The following LINGO2 variants were observed in gnomAD, a reference collection of about 807,000 sequenced individuals.
LINGO2 encodes leucine rich repeat and Ig domain containing 2.
A neutral mutation model predicts 30.6 loss-of-function variants in LINGO2; 14 were observed. The observed-to-expected ratio is 0.46, with a 90% CI of 0.30 to 0.72. The LOEUF (loss-of-function observed/expected upper bound fraction) is 0.72. Among genes scored for constraint, LINGO2 ranks in the 30% least tolerant of loss-of-function variants. The pLI is 0.07. For synonymous variants in LINGO2, 317 were observed against 288.5 expected (o/e 1.10, Z -1.00); for missense variants, 729 against 751.7 (o/e 0.97, Z 0.35).
At chr9:28,229,764 A>C (rs1821294567) in intron 4 of LINGO2, among the ~76,000 whole-genome samples, 1 of 151,852 alleles carries the variant, frequency 6.6e-6, no homozygotes, top group Non-Finnish European at 1.5e-5. Flanking sequence ...ACAGAGAAAT[A>C]AGGTCACAGG....
intron 1 of LINGO2, among the ~76,000 whole-genome samples, chr9:28,574,879 G>A (rs1042534372): frequency 6.6e-6 from 1 of 152,090 alleles, no homozygotes; most frequent in African/African-American, 2.4e-5. Flanking sequence ...TTTGTTCCAT[G>A]ATCTTTAAAC....
chr9:28,539,921 G>A (rs1199776979), intron 1 of LINGO2, among the ~76,000 whole-genome samples: 2 of 152,028 alleles, frequency 1.3e-5, no homozygotes. Flanking sequence ...AACAATATGA[G>A]ATCCCACAGG....
chr9:28,425,342 T>TAC (rs1823364553), intron 2 of LINGO2, among the ~76,000 whole-genome samples: 1 of 149,382 alleles, frequency 6.7e-6, no homozygotes, highest in African/African-American at 2.4e-5. Flanking sequence ...TATATATATA[T>TAC]ATAAACACAT....
intron 2 of LINGO2, among the ~76,000 whole-genome samples, chr9:28,448,026 A>G (rs1156309707): frequency 6.6e-6 from 1 of 152,128 alleles, no homozygotes; most frequent in Non-Finnish European, 1.5e-5. Flanking sequence ...ACTCAGTTTT[A>G]TCAATGAATT....
chr9:27,995,871 A>C (rs975950513), intron 5 of LINGO2, among the ~76,000 whole-genome samples: 10 of 152,300 alleles, frequency 6.6e-5, no homozygotes, highest in Middle Eastern at 6.8e-3. Flanking sequence ...AAAAGCAATT[A>C]TACAGCAGAA....
the LINGO2 span, among the ~76,000 whole-genome samples, chr9:29,049,262 G>C: frequency 6.6e-6 from 1 of 152,202 alleles, no homozygotes; most frequent in Non-Finnish European, 1.5e-5. Flanking sequence ...AAGCTACAAT[G>C]AGATATTATA....
At chr9:28,314,468 T>G (rs2134270558) in intron 3 of LINGO2, among the ~76,000 whole-genome samples, 1 of 152,298 alleles carries the variant, frequency 6.6e-6, no homozygotes, top group Non-Finnish European at 1.5e-5. Context: ...CTCCTGTTCC[T>G]TCTTCAAGAA....
the LINGO2 span, among the ~76,000 whole-genome samples, chr9:29,123,258 G>A: frequency 6.6e-6 from 1 of 151,798 alleles, no homozygotes; most frequent in African/African-American, 2.4e-5. Context: ...TATTCCCCGA[G>A]ACATCCCAGC....
At chr9:29,164,901 G>C in the LINGO2 span, among the ~76,000 whole-genome samples, 1 of 152,082 alleles carries the variant, frequency 6.6e-6, no homozygotes, top group Admixed American at 6.6e-5. Context: ...AATAGTTATA[G>C]TAGGGTATTT....
intron 3 of LINGO2, among the ~76,000 whole-genome samples, chr9:28,343,581 G>A (rs759108879): frequency 1.2e-4 from 18 of 152,132 alleles, no homozygotes; most frequent in Admixed American, 4.6e-4. Flanking sequence ...TTTAAACTCA[G>A]CTTTGAGACT....
chr9:28,105,404 G>C (rs1249008612), intron 4 of LINGO2, among the ~76,000 whole-genome samples: 1 of 152,166 alleles, frequency 6.6e-6, no homozygotes, highest in Non-Finnish European at 1.5e-5. Flanking sequence ...TGGTCTAATG[G>C]AGTTTGCATT....
At chr9:28,656,361 T>C (rs1013734037) in intron 1 of LINGO2, among the ~76,000 whole-genome samples, 1 of 152,028 alleles carries the variant, frequency 6.6e-6, no homozygotes, top group South Asian at 2.1e-4. Context: ...AGATAATAAG[T>C]ATACAATAGA....
intron 1 of LINGO2, among the ~76,000 whole-genome samples, chr9:28,587,149 G>T (rs1824591814): frequency 6.6e-6 from 1 of 151,886 alleles, no homozygotes; most frequent in Non-Finnish European, 1.5e-5. Context: ...ATTGTGAGGG[G>T]AAAAAACACT....
upstream of LINGO2, among the ~76,000 whole-genome samples, chr9:28,672,362 C>A (rs573731561): frequency 6.6e-6 from 1 of 151,980 alleles, no homozygotes; most frequent in South Asian, 2.1e-4. Flanking sequence ...TTTTTTGTGC[C>A]CTGTTTTATT....
At chr9:28,935,075 A>G in the LINGO2 span, among the ~76,000 whole-genome samples, 1 of 152,090 alleles carries the variant, frequency 6.6e-6, no homozygotes, top group East Asian at 1.9e-4. Flanking sequence ...TTTGTTTTTA[A>G]AAATTGTTTT....
chr9:28,900,866 A>G, the LINGO2 span, among the ~76,000 whole-genome samples: 199 of 152,308 alleles, frequency 1.3e-3, no homozygotes, highest in Non-Finnish European at 2.1e-3. Flanking sequence ...AAATTGAAAA[A>G]CAATTGGTTT....
chr9:28,544,317 C>T (rs1338711382), intron 1 of LINGO2, among the ~76,000 whole-genome samples: 5 of 152,088 alleles, frequency 3.3e-5, no homozygotes, highest in Non-Finnish European at 5.9e-5. Context: ...TAATCTGAGA[C>T]TTCATAAATT....
the LINGO2 span, among the ~76,000 whole-genome samples, chr9:28,848,391 G>GTA: frequency 1.9e-3 from 104 of 55,064 alleles, 1 homozygote; most frequent in East Asian, 0.015. Context: ...GTGTGTGTGT[G>GTA]TGTGTGTATA....
the LINGO2 span, among the ~76,000 whole-genome samples, chr9:29,170,684 G>C: frequency 2.0e-4 from 31 of 152,120 alleles, no homozygotes; most frequent in African/African-American, 7.2e-4. Flanking sequence ...ACCTATGTAA[G>C]AGAGAATTAC....
Sources: allele counts gnomAD v4.1 joint callset (sites outside exome capture counted in the v4.1 genomes callset), GRCh38; gene constraint gnomAD v4.1.1; transcripts MANE v1.5; gene names NCBI Gene and HGNC (gene_info 2026-07-23, HGNC 2026-07-21).